Variants in ABI3BP observed in about 807,000 individuals in gnomAD.
ABI3BP encodes the protein ABI family member 3 binding protein.
Under a neutral mutation model 268.6 loss-of-function variants are expected in ABI3BP, and 216 were observed. The observed-to-expected ratio is 0.80, with a 90% confidence interval of 0.72 to 0.90. ABI3BP has a LOEUF of 0.90. ABI3BP is among the 40% of genes least tolerant of loss of function. ABI3BP has a pLI of 0.00. For synonymous variants in ABI3BP, 730 were observed against 730.0 expected (o/e 1.00, Z 0.00); for missense variants, 2,090 against 2,182.4 (o/e 0.96, Z 0.84).
intron 1 of ABI3BP, among the ~76,000 whole-genome samples, chr3:100,933,606 G>A (rs985707290): frequency 2.1e-5 from 3 of 141,890 alleles, no homozygotes; most frequent in African/African-American, 7.8e-5. Flanking sequence ...AAAAAGGCAA[G>A]CTACCCATTG....
At position 100,823,427 on chromosome 3, in the gene ABI3BP, A is replaced by C. The variant is rs762088781; in HGVS notation, c.2803+31T>G. 73 of 1,501,494 alleles carry C rather than the reference A, an allele frequency of 4.9e-5. No homozygotes were observed. In the African/African-American group the frequency reaches 9.4e-4, roughly 19 times the overall value. The allele number at this position is 1,501,494 out of a possible 1,614,324, so 93.0% of individuals were successfully genotyped here. ...CTCTAGGTTTGACAATAAGCAAAAG[A>C]AGCTTGTCGAAAACACTGTATCAAC... On this transcript the variant is annotated intron_variant, in intron 37 of 67. Transcript: ENST00000471714.
chr3:100,966,373 C>T (rs1446541428), intron 1 of ABI3BP, among the ~76,000 whole-genome samples: 2 of 152,174 alleles, frequency 1.3e-5, no homozygotes, highest in African/African-American at 4.8e-5. Context: ...TTTCATGACC[C>T]AAAAGGCAAA....
chr3:100,812,601 G>T, intron 45 of ABI3BP, 78 bp from the exon 46 acceptor site: 1 of 902,312 alleles, frequency 1.1e-6, no homozygotes. Context: ...CATCCAGTAA[G>T]TGTTCAATGT....
At chr3:100,876,592 G>A (rs1249259207) in intron 6 of ABI3BP, 32 bp from the exon 7 acceptor site, 3 of 1,596,648 alleles carry the variant, frequency 1.9e-6, no homozygotes, top group Non-Finnish European at 2.6e-6. Context: ...CAACTTTTGA[G>A]TCATTGTGAA....
At chr3:100,828,495 A>C in intron 33 of ABI3BP, 43 bp from the exon 34 acceptor site, 1 of 1,471,822 alleles carries the variant, frequency 6.8e-7, no homozygotes, top group Non-Finnish European at 9.1e-7. Flanking sequence ...AAAACATTAA[A>C]AATTTATAAA....
chr3:100,787,087 G>C (rs887637463), intron 57 of ABI3BP, among the ~76,000 whole-genome samples: 1 of 151,894 alleles, frequency 6.6e-6, no homozygotes, highest in African/African-American at 2.4e-5. Context: ...CTATGTTAAG[G>C]CATCTAAATA....
At chr3:100,850,188 A>G (rs2098821914) in intron 16 of ABI3BP, 69 bp from the exon 17 acceptor site, 1 of 1,355,662 alleles carries the variant, frequency 7.4e-7, no homozygotes, top group Non-Finnish European at 1.0e-6. Flanking sequence ...GAATTTTAAC[A>G]TGCTTTTAGA....
At chr3:100,869,336 T>G (rs1280784096) in intron 9 of ABI3BP, among the ~76,000 whole-genome samples, 1 of 54,912 alleles carries the variant, frequency 1.8e-5, no homozygotes. Flanking sequence ...TTTGGTTTTT[T>G]TTTTTTTTTT....
intron 30 of ABI3BP, among the ~76,000 whole-genome samples, 167 bp from the exon 31 acceptor site, chr3:100,832,517 T>C (rs2098510780): frequency 6.6e-6 from 1 of 152,178 alleles, no homozygotes; most frequent in Non-Finnish European, 1.5e-5. Context: ...TTTTCTTTGA[T>C]AACTGAAAGT....
At chr3:100,774,147 G>T (rs1221160987) in intron 61 of ABI3BP, among the ~76,000 whole-genome samples, 1 of 152,138 alleles carries the variant, frequency 6.6e-6, no homozygotes, top group East Asian at 1.9e-4. Flanking sequence ...TATTCTTTAT[G>T]TCCACAGGAG....
chr3:100,921,656 T>C (rs921036836), intron 2 of ABI3BP, among the ~76,000 whole-genome samples: 1 of 152,214 alleles, frequency 6.6e-6, no homozygotes, highest in Non-Finnish European at 1.5e-5. Flanking sequence ...GCCCCTCTAG[T>C]ACAATCTTAA....
chr3:100,837,265 T>A (rs910795495), intron 26 of ABI3BP, 94 bp from the exon 27 acceptor site: 2 of 886,730 alleles, frequency 2.3e-6, no homozygotes, highest in Non-Finnish European at 3.3e-6. Flanking sequence ...GGACACAGAG[T>A]CTAGTTTATT....
At chr3:100,876,975 C>G (rs369032567) in intron 6 of ABI3BP, among the ~76,000 whole-genome samples, 7 of 151,978 alleles carry the variant, frequency 4.6e-5, no homozygotes, top group Non-Finnish European at 1.0e-4. Flanking sequence ...GTGACAACAG[C>G]GAGACTCCAT....
intron 51 of ABI3BP, 51 bp from the exon 52 acceptor site, chr3:100,796,519 A>T: frequency 7.2e-7 from 1 of 1,395,588 alleles, no homozygotes; most frequent in Non-Finnish European, 9.9e-7. Context: ...ACCCAACTGG[A>T]GTGAGCTTAA....
intron 1 of ABI3BP, among the ~76,000 whole-genome samples, chr3:100,988,050 A>G (rs1031022832): frequency 1.3e-5 from 2 of 152,308 alleles, no homozygotes; most frequent in Admixed American, 1.3e-4. Context: ...ATACATAAAT[A>G]TATGTTACTC....
At chr3:100,903,429 A>G (rs1213909007) in intron 2 of ABI3BP, among the ~76,000 whole-genome samples, 2 of 152,250 alleles carry the variant, frequency 1.3e-5, no homozygotes, top group African/African-American at 4.8e-5. Context: ...CTGGTTACAC[A>G]TATGTAAATA....
chr3:100,764,249 G>A (rs1053127025), intron 63 of ABI3BP, among the ~76,000 whole-genome samples: 8 of 152,134 alleles, frequency 5.3e-5, no homozygotes, highest in Admixed American at 4.6e-4. Flanking sequence ...TTCTGATGAC[G>A]TTGCGTAGTG....
chr3:100,830,195 A>G (rs1031964576), intron 32 of ABI3BP, among the ~76,000 whole-genome samples: 7 of 140,354 alleles, frequency 5.0e-5, no homozygotes, highest in Non-Finnish European at 1.1e-4. Flanking sequence ...GTAGAAATTA[A>G]GATCTGCAAG....
At chr3:100,865,823 A>G (rs982909032) in intron 10 of ABI3BP, among the ~76,000 whole-genome samples, 1 of 152,216 alleles carries the variant, frequency 6.6e-6, no homozygotes, top group Non-Finnish European at 1.5e-5. Flanking sequence ...TGGAGTCCCT[A>G]TAGAGCCATG....
Sources: allele counts gnomAD v4.1 joint callset (sites outside exome capture counted in the v4.1 genomes callset), GRCh38; gene constraint gnomAD v4.1.1; transcripts MANE v1.5; gene names NCBI Gene and HGNC (gene_info 2026-07-23, HGNC 2026-07-21).